Variants in PTPRD observed in about 807,000 individuals in gnomAD.
PTPRD encodes receptor-type tyrosine-protein phosphatase delta.
In PTPRD, 34 loss-of-function variants were observed where a neutral mutation model predicts 214.5. The observed-to-expected ratio is 0.16, with a 90% CI of 0.12 to 0.21. PTPRD has a LOEUF of 0.21. PTPRD is among the 10% of genes least tolerant of loss of function. PTPRD has a pLI of 1.00. For synonymous variants in PTPRD, 1,128 were observed against 845.7 expected (o/e 1.33, Z -5.79); for missense variants, 2,545 against 2,398.7 (o/e 1.06, Z -1.27).
chr9:8,577,619 A>G (rs2092584550), intron 14 of PTPRD, among the ~76,000 whole-genome samples: 1 of 151,770 alleles, frequency 6.6e-6, no homozygotes, highest in Admixed American at 6.6e-5. Context: ...ATCAAATCCT[A>G]CCTCCTTTTG....
At chr9:9,169,820 C>T (rs1441148470) in intron 10 of PTPRD, among the ~76,000 whole-genome samples, 1 of 152,118 alleles carries the variant, frequency 6.6e-6, no homozygotes, top group Non-Finnish European at 1.5e-5. Context: ...AAAACTAAAA[C>T]AACATCAATA....
At chr9:9,273,396 T>C (rs1238676983) in intron 9 of PTPRD, among the ~76,000 whole-genome samples, 1 of 151,248 alleles carries the variant, frequency 6.6e-6, no homozygotes. Context: ...CTTCTTGAAA[T>C]AGCTCTCTCT....
intron 2 of PTPRD, among the ~76,000 whole-genome samples, chr9:10,562,297 G>T (rs745537549): frequency 1.3e-5 from 2 of 151,392 alleles, no homozygotes; most frequent in Admixed American, 6.6e-5. Context: ...CGTAATGGAG[G>T]GTTTCTTATA....
intron 11 of PTPRD, among the ~76,000 whole-genome samples, chr9:9,003,772 A>G (rs921158301): frequency 6.6e-6 from 1 of 152,052 alleles, no homozygotes; most frequent in African/African-American, 2.4e-5. Flanking sequence ...AGCTGGAAAA[A>G]GGCTCTTCTC....
At chr9:9,108,179 T>C (rs1013302652) in intron 10 of PTPRD, among the ~76,000 whole-genome samples, 11 of 152,170 alleles carry the variant, frequency 7.2e-5, no homozygotes, top group Admixed American at 3.9e-4. Flanking sequence ...GTAAAACTTA[T>C]ATTATTTACG....
At chr9:10,051,742 G>T (rs2097539266) in intron 3 of PTPRD, among the ~76,000 whole-genome samples, 1 of 151,990 alleles carries the variant, frequency 6.6e-6, no homozygotes, top group Non-Finnish European at 1.5e-5. Context: ...CAGGCACCCT[G>T]TACCCCTTTT....
chr9:9,675,669 CA>C (rs2096915020), intron 7 of PTPRD, among the ~76,000 whole-genome samples: 1 of 151,698 alleles, frequency 6.6e-6, no homozygotes, highest in African/African-American at 2.4e-5. Context: ...AAATTAGCAC[CA>C]GAGGAAACAG....
At chr9:8,767,276 A>C (rs28437690) in intron 11 of PTPRD, among the ~76,000 whole-genome samples, 10,204 of 151,850 alleles carry the variant, frequency 0.067, 585 homozygotes, top group African/African-American at 0.16. Context: ...CACCACCACA[A>C]CCAGCTAATT....
At chr9:10,524,209 C>T (rs2053518177) in intron 2 of PTPRD, among the ~76,000 whole-genome samples, 1 of 151,960 alleles carries the variant, frequency 6.6e-6, no homozygotes, top group Non-Finnish European at 1.5e-5. Context: ...TGTTAGGAGC[C>T]GTTCAATCCT....
At chr9:10,157,004 A>G (rs996574806) in intron 3 of PTPRD, among the ~76,000 whole-genome samples, 4 of 151,702 alleles carry the variant, frequency 2.6e-5, no homozygotes, top group African/African-American at 9.7e-5. Flanking sequence ...CTATCCTTTT[A>G]TTTTGAGACT....
At chr9:9,790,100 G>C (rs1304964482) in intron 5 of PTPRD, among the ~76,000 whole-genome samples, 4 of 152,098 alleles carry the variant, frequency 2.6e-5, no homozygotes, top group African/African-American at 9.7e-5. Context: ...TTAATGTAGA[G>C]GTGGGAATAT....
At chr9:10,510,203 T>A (rs1006456875) in intron 2 of PTPRD, among the ~76,000 whole-genome samples, 2 of 152,108 alleles carry the variant, frequency 1.3e-5, no homozygotes, top group Non-Finnish European at 1.5e-5. Flanking sequence ...ATTCCTTTCT[T>A]TCCCATACCA....
chr9:8,719,294 T>C (rs1597884170), intron 12 of PTPRD, among the ~76,000 whole-genome samples: 1 of 152,340 alleles, frequency 6.6e-6, no homozygotes, highest in South Asian at 2.1e-4. Context: ...CATGCAAAGC[T>C]TTTTCTGCAT....
intron 2 of PTPRD, among the ~76,000 whole-genome samples, chr9:10,577,592 T>C (rs1170533591): frequency 6.6e-6 from 1 of 152,076 alleles, no homozygotes; most frequent in Non-Finnish European, 1.5e-5. Context: ...TCAAGAAAAA[T>C]GAAATAATGA....
chr9:8,647,639 C>T (rs1033127), intron 12 of PTPRD, among the ~76,000 whole-genome samples: 24,385 of 152,056 alleles, frequency 0.16, 2,454 homozygotes, highest in African/African-American at 0.28. Flanking sequence ...ATGTGAATTA[C>T]TCCTACATGT....
chr9:9,290,184 T>C (rs957894621), intron 9 of PTPRD, among the ~76,000 whole-genome samples: 34 of 151,846 alleles, frequency 2.2e-4, no homozygotes, highest in Non-Finnish European at 4.4e-5. Flanking sequence ...CATTGTGGTT[T>C]TGATTTGCAT....
chr9:10,567,964 T>A (rs1028129590), intron 2 of PTPRD, among the ~76,000 whole-genome samples: 3 of 151,776 alleles, frequency 2.0e-5, no homozygotes, highest in South Asian at 2.1e-4. Flanking sequence ...TGTTATTTTT[T>A]AAAATTTTAT....
chr9:9,441,003 T>C (rs1360591), intron 8 of PTPRD, among the ~76,000 whole-genome samples: 79,191 of 151,994 alleles, frequency 0.52, 20,641 homozygotes, highest in South Asian at 0.55. Context: ...CTACAGAAAG[T>C]TCCAGAGCTG....
At chr9:9,137,265 G>T (rs1260407953) in intron 10 of PTPRD, among the ~76,000 whole-genome samples, 2 of 152,070 alleles carry the variant, frequency 1.3e-5, no homozygotes, top group East Asian at 1.9e-4. Context: ...AAGCCTCAAG[G>T]TTTCTGTATA....
Sources: allele counts gnomAD v4.1 joint callset (sites outside exome capture counted in the v4.1 genomes callset), GRCh38; gene constraint gnomAD v4.1.1; transcripts MANE v1.5; gene names NCBI Gene and HGNC (gene_info 2026-07-23, HGNC 2026-07-21).